Variants in PPME1 observed in about 807,000 individuals in gnomAD.
PPME1 encodes the protein testicular secretory protein Li 39.
Under a neutral mutation model 56.9 loss-of-function variants are expected in PPME1, and 17 were observed. The ratio of observed to expected loss-of-function variants is 0.30; its 90% CI spans 0.20 to 0.45. PPME1 has a LOEUF of 0.45. Among genes scored for constraint, PPME1 ranks in the 20% least tolerant of loss-of-function variants. The pLI is 1.00. For missense variants in PPME1, 357 were observed against 483.2 expected (o/e 0.74, Z 2.45); for synonymous variants, 122 against 156.2 (o/e 0.78, Z 1.63).
At chr11:74,220,542 A>G (rs1858771592) in intron 3 of PPME1, among the ~76,000 whole-genome samples, 1 of 152,218 alleles carries the variant, frequency 6.6e-6, no homozygotes, top group Non-Finnish European at 1.5e-5. Flanking sequence ...TCTGTCACTT[A>G]TTAGCTATTT....
At chr11:74,188,270 C>A (rs886464282) in intron 1 of PPME1, among the ~76,000 whole-genome samples, 14 of 151,440 alleles carry the variant, frequency 9.2e-5, no homozygotes, top group African/African-American at 3.4e-4. Flanking sequence ...TCACTGCAAC[C>A]TCCGCCTCCC....
intron 3 of PPME1, chr11:74,205,572 C>T (rs979911489): frequency 3.9e-5 from 6 of 152,190 alleles, no homozygotes; most frequent in African/African-American, 1.4e-4. Context: ...CACTTTGTTC[C>T]TGGCAGCGGG....
chr11:74,186,995 T>A (rs910572522), intron 1 of PPME1, among the ~76,000 whole-genome samples: 1 of 152,256 alleles, frequency 6.6e-6, no homozygotes, highest in Admixed American at 6.5e-5. Context: ...TATGATTTAA[T>A]TGAAAAGGTT....
chr11:74,203,315 A>G (rs895103920), intron 1 of PPME1, among the ~76,000 whole-genome samples: 1 of 152,146 alleles, frequency 6.6e-6, no homozygotes, highest in African/African-American at 2.4e-5. Flanking sequence ...GACCAAGACT[A>G]TTGACTGTTG....
chr11:74,229,040 C>T (rs1859000642), intron 5 of PPME1, among the ~76,000 whole-genome samples: 2 of 152,114 alleles, frequency 1.3e-5, no homozygotes, highest in African/African-American at 2.4e-5. Flanking sequence ...AGTTTGGTGG[C>T]CTCCCTATCT....
chr11:74,202,067 A>G (rs1037373787), intron 1 of PPME1, among the ~76,000 whole-genome samples: 1 of 152,234 alleles, frequency 6.6e-6, no homozygotes, highest in Non-Finnish European at 1.5e-5. Context: ...TAGATGTATT[A>G]GATTCTTTAA....
chr11:74,193,538 A>G (rs928292576), intron 1 of PPME1, among the ~76,000 whole-genome samples: 10 of 152,202 alleles, frequency 6.6e-5, no homozygotes, highest in East Asian at 3.9e-4. Flanking sequence ...GATGAGGGAT[A>G]CTCAACCTGT....
At chr11:74,201,943 G>A (rs1167900522) in intron 1 of PPME1, among the ~76,000 whole-genome samples, 1 of 152,164 alleles carries the variant, frequency 6.6e-6, no homozygotes, top group East Asian at 1.9e-4. Flanking sequence ...AGGATTTCAA[G>A]TGCAACCAGA....
At chr11:74,194,283 G>C (rs974423947) in intron 1 of PPME1, among the ~76,000 whole-genome samples, 18 of 151,404 alleles carry the variant, frequency 1.2e-4, no homozygotes, top group Non-Finnish European at 2.9e-5. Context: ...TGATTCTTTG[G>C]GATCCCAGCT....
intron 11 of PPME1, chr11:74,247,403 T>C (rs1484172056): frequency 5.3e-6 from 2 of 374,948 alleles, no homozygotes; most frequent in Non-Finnish European, 9.5e-6. Flanking sequence ...GCAATGTGTT[T>C]AAAAATTATA....
At chr11:74,181,361 C>T (rs1857532715) in intron 1 of PPME1, among the ~76,000 whole-genome samples, 1 of 152,044 alleles carries the variant, frequency 6.6e-6, no homozygotes, top group Admixed American at 6.5e-5. Flanking sequence ...TTTTTCAACT[C>T]CTATCCATCT....
chr11:74,204,303 A>G lies in PPME1; in HGVS notation c.196-50A>G, dbSNP rs186992885. On this transcript the variant is annotated intron_variant, in intron 2 of 13. Transcript: ENST00000328257. ...CGGTATTACTATGATTAAATAATGA[A>G]AAACTTTAGTGAGCAAAAACATAGA... 57 of 1,448,410 alleles carry G rather than the reference A, an allele frequency of 3.9e-5. No individual in the cohort carries two copies. The African/African-American group carries it at 7.1e-4, about 18-fold the overall frequency. The allele number at this position is 1,448,410 out of a possible 1,614,324, so 89.7% of individuals were successfully genotyped here.
chr11:74,201,169 G>T (rs1383191354), intron 1 of PPME1, among the ~76,000 whole-genome samples: 2 of 151,918 alleles, frequency 1.3e-5, no homozygotes, highest in Non-Finnish European at 2.9e-5. Flanking sequence ...TAGAGACGGG[G>T]TTTCACCGTG....
Position 74,209,477 on chromosome 11 carries a change from A to T in PPME1, c.288+5032A>T, listed in dbSNP as rs187289772. Among the ~76,000 whole-genome samples, 447 of 152,310 alleles carry T rather than the reference A, an allele frequency of 2.9e-3. 4 individuals are homozygous for T. Among genetic ancestry groups the T allele is most frequent in the African/African-American group, 0.01 (423 of 41,568 alleles). ...AGCATATTTTAGGCATGTCAAAATT[A>T]GGGAGTATGGAAAGCATGTTTTGCT... On this transcript the variant is annotated intron_variant, in intron 3 of 13. Transcript: ENST00000328257.
At chr11:74,203,351 C>T (rs1274213440) in intron 1 of PPME1, among the ~76,000 whole-genome samples, 4 of 152,112 alleles carry the variant, frequency 2.6e-5, no homozygotes, top group Admixed American at 6.5e-5. Flanking sequence ...ATATTAAAGT[C>T]AGTTGGGAGG....
chr11:74,196,571 G>T (rs913758709), intron 1 of PPME1, among the ~76,000 whole-genome samples: 2 of 152,162 alleles, frequency 1.3e-5, no homozygotes, highest in Admixed American at 6.5e-5. Context: ...CAGACCTGAA[G>T]AGAGGGTTCT....
intron 1 of PPME1, among the ~76,000 whole-genome samples, chr11:74,201,225 T>C (rs1858156239): frequency 6.6e-6 from 1 of 152,152 alleles, no homozygotes; most frequent in African/African-American, 2.4e-5. Context: ...TCTGCCCGCC[T>C]CGGCCTCCCA....
rs1338856820 is a variant in PPME1, at chr11:74,246,221, C to T, written c.964+16C>T. 2 of 1,540,862 alleles carry T rather than the reference C, an allele frequency of 1.3e-6. No homozygotes were observed. Among genetic ancestry groups the T allele is most frequent in the Non-Finnish European group, 1.8e-6 (2 of 1,141,340 alleles). On this transcript the variant is annotated intron_variant, in intron 10 of 13. Coordinates refer to ENST00000328257, the MANE Select transcript of PPME1 (RefSeq NM_016147.3). ...CTCTTGGCTGGTAAGTGTATATGTGCATATATTAGTCAGCTCAGGCTGCCA... is the reference window on the plus strand; with the variant it reads ...CTCTTGGCTGGTAAGTGTATATGTGTATATATTAGTCAGCTCAGGCTGCCA...
chr11:74,216,196 C>G (rs1245827461), intron 3 of PPME1, among the ~76,000 whole-genome samples: 1 of 152,194 alleles, frequency 6.6e-6, no homozygotes, highest in East Asian at 1.9e-4. Context: ...AATACACATT[C>G]TTCTCCTCAA....
Sources: allele counts gnomAD v4.1 joint callset (sites outside exome capture counted in the v4.1 genomes callset), GRCh38; gene constraint gnomAD v4.1.1; transcripts MANE v1.5; gene names NCBI Gene and HGNC (gene_info 2026-07-23, HGNC 2026-07-21).